The following SDK1 variants were observed in gnomAD, a reference collection of about 807,000 sequenced individuals.
SDK1 encodes the protein protein sidekick-1.
In SDK1, 157 loss-of-function variants were observed where a neutral mutation model predicts 245.5. The observed-to-expected ratio is 0.64, with a 90% confidence interval of 0.56 to 0.73. The LOEUF is 0.73. Among genes scored for constraint, SDK1 ranks in the 30% least tolerant of loss-of-function variants. The pLI is 0.00. For missense variants in SDK1, 3,583 were observed against 3,002.3 expected (o/e 1.19, Z -4.52); for synonymous variants, 1,647 against 1,278.5 (o/e 1.29, Z -6.15).
At chr7:3,815,623 C>T (rs1261682030) in intron 4 of SDK1, among the ~76,000 whole-genome samples, 1 of 149,400 alleles carries the variant, frequency 6.7e-6, no homozygotes, top group Non-Finnish European at 1.5e-5. Flanking sequence ...ATGATGCTGG[C>T]CTCATAAAAT....
At chr7:3,421,826 G>C (rs1020893683) in intron 1 of SDK1, among the ~76,000 whole-genome samples, 1 of 152,150 alleles carries the variant, frequency 6.6e-6, no homozygotes, top group Non-Finnish European at 1.5e-5. Flanking sequence ...AAATAACAGA[G>C]CTGCTGCCAG....
intron 14 of SDK1, among the ~76,000 whole-genome samples, chr7:4,006,785 C>T (rs943454213): frequency 6.6e-6 from 1 of 152,124 alleles, no homozygotes; most frequent in African/African-American, 2.4e-5. Flanking sequence ...ATTAATAGGC[C>T]CTGTTGTCAA....
intron 1 of SDK1, among the ~76,000 whole-genome samples, chr7:3,589,433 C>T (rs1163747090): frequency 6.6e-6 from 1 of 152,224 alleles, no homozygotes; most frequent in Admixed American, 6.5e-5. Flanking sequence ...TCCATGGCGC[C>T]TCCCCATGTC....
intron 1 of SDK1, among the ~76,000 whole-genome samples, chr7:3,391,080 G>C (rs74648916): frequency 0.023 from 3,478 of 152,096 alleles, 148 homozygotes; most frequent in African/African-American, 0.079. Context: ...TTTATACCAG[G>C]TCACATTTAG....
chr7:4,256,347 A>C (rs2128242143), intron 44 of SDK1, among the ~76,000 whole-genome samples: 1 of 152,326 alleles, frequency 6.6e-6, no homozygotes, highest in Middle Eastern at 3.4e-3. Context: ...ATGGCTAGTA[A>C]CTCTGATATT....
chr7:3,666,218 A>T (rs754840347), intron 4 of SDK1, among the ~76,000 whole-genome samples: 4 of 152,170 alleles, frequency 2.6e-5, no homozygotes, highest in Non-Finnish European at 5.9e-5. Flanking sequence ...AAGTTCGAGC[A>T]CTGGTCCTCC....
chr7:3,821,644 A>T lies in SDK1; in HGVS notation c.847+61A>T, dbSNP rs913019016. 18 of 1,563,740 alleles carry T rather than the reference A, an allele frequency of 1.2e-5. 1 individual carries two copies. The Middle Eastern group carries it at 5.1e-4, about 44-fold the overall frequency. On this transcript the variant is annotated intron_variant, in intron 5 of 44. Transcript: ENST00000404826. ...CAATAAAATCTTGCTTTAATCAGTA[A>T]CCACTGTCTGACAGGACATTTTGCA...
At chr7:4,032,059 AGATC>A (rs1371424235) in intron 17 of SDK1, among the ~76,000 whole-genome samples, 5 of 151,730 alleles carry the variant, frequency 3.3e-5, no homozygotes, top group African/African-American at 7.3e-5. Flanking sequence ...ATAGATAGAT[AGATC>A]GATCGATCGA....
intron 5 of SDK1, among the ~76,000 whole-genome samples, chr7:3,947,571 T>TG (rs1491344525): frequency 2.0e-5 from 3 of 149,524 alleles, no homozygotes; most frequent in Non-Finnish European, 3.0e-5. Flanking sequence ...TGTGTGTGTA[T>TG]TTTTTTGTAA....
intron 1 of SDK1, among the ~76,000 whole-genome samples, chr7:3,442,098 G>A (rs1780212983): frequency 6.6e-6 from 1 of 152,154 alleles, no homozygotes; most frequent in African/African-American, 2.4e-5. Flanking sequence ...GTGAGATTAT[G>A]ATAGATTTAA....
At chr7:3,656,019 G>C (rs1175083933) in intron 4 of SDK1, among the ~76,000 whole-genome samples, 1 of 152,216 alleles carries the variant, frequency 6.6e-6, no homozygotes, top group South Asian at 2.1e-4. Context: ...GGTGTGGTGG[G>C]ATTGTGACCC....
intron 14 of SDK1, among the ~76,000 whole-genome samples, chr7:3,997,613 T>A (rs1784777202): frequency 1.3e-5 from 2 of 152,192 alleles, no homozygotes; most frequent in Non-Finnish European, 2.9e-5. Flanking sequence ...CAGCTGGTCC[T>A]CCTGTCATCT....
At chr7:4,147,727 C>T (rs1208274420) in intron 29 of SDK1, among the ~76,000 whole-genome samples, 1 of 152,184 alleles carries the variant, frequency 6.6e-6, no homozygotes, top group African/African-American at 2.4e-5. Context: ...GAAAGGAGCG[C>T]CCCTATCCCC....
chr7:3,601,063 T>G (rs1299746005), intron 1 of SDK1, among the ~76,000 whole-genome samples: 7 of 152,194 alleles, frequency 4.6e-5, no homozygotes, highest in Non-Finnish European at 7.3e-5. Flanking sequence ...CTTACATACC[T>G]AGAAGATACT....
At chr7:3,619,510 A>G (rs1781869147) in intron 2 of SDK1, among the ~76,000 whole-genome samples, 1 of 152,240 alleles carries the variant, frequency 6.6e-6, no homozygotes. Flanking sequence ...TTACAGAGCA[A>G]TGCCAATAAC....
At chr7:3,883,897 C>G (rs1490031976) in intron 5 of SDK1, among the ~76,000 whole-genome samples, 1 of 152,128 alleles carries the variant, frequency 6.6e-6, no homozygotes, top group African/African-American at 2.4e-5. Context: ...CTCAATATTC[C>G]TACTTTTAAA....
Position 4,017,171 on chromosome 7 carries a change from G to A in SDK1, c.2421G>A (p.Arg807=). The stretch of plus-strand genomic sequence containing the variant: ...GTGATGGGCTTCCTTCGTGGCGCAG[G>A]TACCGCCTGGCTGGCCTTCCCGGAG... ...HNGVLRGYIL[R]YRLAGLPGEY... is the part of the protein sequence containing the mutation. The change falls in exon 17 of 45, where the codon AGG becomes AGA. Residue 807 remains arginine (R), a splice_region_variant and synonymous_variant. Coordinates refer to ENST00000404826, the MANE Select transcript of SDK1 (RefSeq NM_152744.4). 6.2e-7 allele frequency: 1 copy of A among 1,608,466 alleles called. No homozygotes were observed. The highest frequency in any genetic ancestry group is 8.5e-7 in the Non-Finnish European group (1 of 1,177,130).
rs79802600 is a variant in SDK1, at chr7:3,980,148, G to A, written c.1994+5603G>A. Among the ~76,000 whole-genome samples, 1,076 of 152,268 alleles carry A rather than the reference G, an allele frequency of 7.1e-3. 12 individuals are homozygous for A. Among genetic ancestry groups the A allele is most frequent in the South Asian group, 0.033 (159 of 4,824 alleles). Reference sequence around the variant, plus strand: ...GCATTAAAGGGCCAATGCTTTTTATGTAGAAAAAAAGTACTTATCTGATCC... The same window carrying A: ...GCATTAAAGGGCCAATGCTTTTTATATAGAAAAAAAGTACTTATCTGATCC... On this transcript the variant is annotated intron_variant, in intron 13 of 44. Coordinates refer to ENST00000404826, the MANE Select transcript of SDK1 (RefSeq NM_152744.4).
intron 4 of SDK1, among the ~76,000 whole-genome samples, chr7:3,651,279 GGT>G (rs1268496640): frequency 6.6e-6 from 1 of 151,906 alleles, no homozygotes; most frequent in Non-Finnish European, 1.5e-5. Context: ...CATTCTCATA[GGT>G]GTATAATGAT....
Sources: allele counts gnomAD v4.1 joint callset (sites outside exome capture counted in the v4.1 genomes callset), GRCh38; gene constraint gnomAD v4.1.1; transcripts MANE v1.5; gene names NCBI Gene and HGNC (gene_info 2026-07-23, HGNC 2026-07-21).